DIDO1: variants seen among roughly 807,000 people sequenced by gnomAD.
DIDO1 encodes death-inducer obliterator 1.
DIDO1 carries 16 observed loss-of-function variants against 99.4 expected under a neutral mutation model. The observed-to-expected ratio is 0.16, with a 90% confidence interval of 0.11 to 0.24. The LOEUF is 0.24. DIDO1 is among the 10% of genes least tolerant of loss of function. DIDO1 has a pLI of 1.00. For synonymous variants in DIDO1, 1,366 were observed against 1,239.1 expected (o/e 1.10, Z -2.15); for missense variants, 2,996 against 3,014.0 (o/e 0.99, Z 0.14).
At chr20:62,905,819 G>A in intron 6 of DIDO1, 68 bp downstream of exon 6, 2 of 1,613,964 alleles carry the variant, frequency 1.2e-6, no homozygotes, top group African/African-American at 1.3e-5. Context: ...GTCCTGGACA[G>A]GCCCAGGGGA....
Position 62,879,363 on chromosome 20 carries a change from T to G in DIDO1, c.6593A>C (p.Asp2198Ala), listed in dbSNP as rs1222479358. ...DRDRSRSRER[D>A]RDKARDRERG... is the part of the protein sequence containing the mutation. ...CTCCCTGTCCCTGGCCTTGTCTCGGTCCCGCTCTCTGCTCCGGGACCGGTC... is the reference window on the plus strand; with the variant it reads ...CTCCCTGTCCCTGGCCTTGTCTCGGGCCCGCTCTCTGCTCCGGGACCGGTC... Residue 2198 changes from aspartate (D) to alanine (A), a missense_variant, in exon 16 of 16, where the codon GAC (aspartate) becomes GCC (alanine). This residue lies in a region of DIDO1 where 1,562 missense variants were observed against 1,412.6 expected (regional missense o/e 1.11). Coordinates refer to ENST00000395343, the MANE Select transcript of DIDO1 (RefSeq NM_001193369.2). This position sits in a 1 kb window ranked among gnomAD's most constrained non-coding sequence, Gnocchi z 6.3. 6 of 1,548,500 alleles carry G rather than the reference T, an allele frequency of 3.9e-6. No individual in the cohort carries two copies. The highest frequency in any genetic ancestry group is 5.2e-6 in the Non-Finnish European group (6 of 1,148,722).
chr20:62,910,747 T>C (rs758554785), intron 3 of DIDO1, 27 bp downstream of exon 3: 3 of 1,591,322 alleles, frequency 1.9e-6, no homozygotes, highest in African/African-American at 2.7e-5. Context: ...ACCCTGGGAT[T>C]TCTGTGGGTG....
Position 62,907,180 on chromosome 20 carries a change from T to C in DIDO1, c.1341A>G (p.Pro447=). ...CGCATTTCGGAAGACTGGGCTTCTC[T>C]GGCTTCATCTTCATCTTTTCTTTAG... The part of the protein sequence containing the change: ...PKPKEKMKMK[P]EKPSLPKCGA... Residue 447 remains proline (P), a synonymous_variant, in exon 5 of 16, where the codon CCA becomes CCG. Coordinates refer to ENST00000395343, the MANE Select transcript of DIDO1 (RefSeq NM_001193369.2). The C allele has an allele frequency of 1.2e-6, 2 of 1,614,274 alleles. No homozygotes were observed. Among genetic ancestry groups the C allele is most frequent in the Non-Finnish European group, 1.7e-6 (2 of 1,180,056 alleles).
chr20:62,906,965 C>T (rs1254561687), intron 5 of DIDO1, among the ~76,000 whole-genome samples, 182 bp downstream of exon 5: 4 of 152,234 alleles, frequency 2.6e-5, no homozygotes, highest in Non-Finnish European at 4.4e-5. Flanking sequence ...TAATTAACCC[C>T]TCAGCTAACG....
intron 2 of DIDO1, among the ~76,000 whole-genome samples, chr20:62,913,296 C>T (rs988910615): frequency 8.6e-5 from 10 of 116,416 alleles, no homozygotes; most frequent in African/African-American, 2.6e-4. Flanking sequence ...TCAATCAGGG[C>T]ACCAGCAGCG....
At chr20:62,905,775 C>G (rs2064788412) in intron 6 of DIDO1, 112 bp downstream of exon 6, 1 of 1,610,174 alleles carries the variant, frequency 6.2e-7, no homozygotes, top group African/African-American at 1.3e-5. Context: ...CAGCCGGTGT[C>G]TGTGATCAGC....
chr20:62,936,290 A>G (rs996637669), intron 1 of DIDO1, among the ~76,000 whole-genome samples: 2 of 152,186 alleles, frequency 1.3e-5, no homozygotes, highest in African/African-American at 4.8e-5. Context: ...GCGGTGGCTC[A>G]TGACTGTAAT....
chr20:62,929,695 G>GTATATATATATATATATATATATA (rs71195479), upstream of DIDO1, among the ~76,000 whole-genome samples: 27 of 97,946 alleles, frequency 2.8e-4, no homozygotes, highest in African/African-American at 9.2e-4. Flanking sequence ...AAGAAAAAGT[G>GTATATATATATATATATATATATA]TATATATATA....
chr20:62,884,545 T>C (rs1189288707), intron 15 of DIDO1, among the ~76,000 whole-genome samples: 1 of 152,242 alleles, frequency 6.6e-6, no homozygotes, highest in African/African-American at 2.4e-5. Context: ...TCAGGTGATG[T>C]TAAAGATCAT....
chr20:62,905,023 T>G lies in DIDO1; in HGVS notation c.1588+864A>C, dbSNP rs552184332. 8.0e-4 allele frequency: 794 copies of G among 989,284 alleles called. 1 individual carries two copies. Among genetic ancestry groups the G allele is most frequent in the Non-Finnish European group, 9.2e-4 (767 of 832,260 alleles). 61.3% of individuals were successfully genotyped at this position (989,284 alleles called of 1,614,324 possible). ...TTAAAGACTGAATTGAAAATAGTTT[T>G]ATAGCAGAAAACTGAGAAACAAGAA... On this transcript the variant is annotated intron_variant, in intron 6 of 15. Transcript: ENST00000395343.
At chr20:62,903,963 C>T (rs1276468898) in intron 6 of DIDO1, among the ~76,000 whole-genome samples, 1 of 152,194 alleles carries the variant, frequency 6.6e-6, no homozygotes, top group Non-Finnish European at 1.5e-5. Context: ...GAAGCAATAA[C>T]CCAGGGCTGA....
In DIDO1 at chr20:62,879,784, C is replaced by G. The variant is rs1222324312; in HGVS notation, c.6172G>C (p.Gly2058Arg). ...SALSSSAPGQ[G>R]PEADGQWASA... ...GCCCACTGTCCGTCGGCCTCGGGGC[C>G]CTGTCCGGGCGCACTGGAGGAGAGC... Residue 2058 changes from glycine (G) to arginine (R), a missense_variant, in exon 16 of 16, where the codon GGC (glycine) becomes CGC (arginine). Physicochemically the swap from Gly to Arg is moderately radical, Grantham distance 125 (BLOSUM62 -2). Coordinates refer to ENST00000395343, the MANE Select transcript of DIDO1 (RefSeq NM_001193369.2). The surrounding 1 kb of genome is among the most constrained non-coding windows in gnomAD (Gnocchi z 6.3). 6.2e-7 allele frequency: 1 copy of G among 1,611,418 alleles called. No homozygotes were observed. Among genetic ancestry groups the G allele is most frequent in the Admixed American group, 1.7e-5 (1 of 60,008 alleles).
chr20:62,887,942 GGT>G, intron 15 of DIDO1: 2 of 985,484 alleles, frequency 2.0e-6, no homozygotes, highest in East Asian at 1.1e-4. Context: ...AAGACAACCC[GGT>G]GTTTCTGTGG....
chr20:62,890,529 C>T (rs1382437891), intron 15 of DIDO1: 6 of 1,002,174 alleles, frequency 6.0e-6, no homozygotes, highest in Middle Eastern at 5.0e-4. Context: ...ATTGTTAAGT[C>T]TCCTGGAAAT....
At chr20:62,933,870 C>T (rs573727718) in intron 1 of DIDO1, among the ~76,000 whole-genome samples, 1 of 152,286 alleles carries the variant, frequency 6.6e-6, no homozygotes, top group African/African-American at 2.4e-5. Context: ...TTTAAAAACT[C>T]ATTAATGTTC....
chr20:62,935,834 C>A (rs1360435706), intron 1 of DIDO1, among the ~76,000 whole-genome samples: 1 of 152,220 alleles, frequency 6.6e-6, no homozygotes, highest in Non-Finnish European at 1.5e-5. Flanking sequence ...TGGAGCTCAA[C>A]AGGAGTTACG....
At chr20:62,909,610 AC>A (rs1362413747) in intron 4 of DIDO1, 88 bp downstream of exon 4, 37 of 1,521,210 alleles carry the variant, frequency 2.4e-5, no homozygotes, top group Non-Finnish European at 1.3e-5. Flanking sequence ...TGGGTGCAGC[AC>A]CCGTCCTGGG....
At chr20:62,922,804 G>A (rs1305183872) in intron 1 of DIDO1, among the ~76,000 whole-genome samples, 1 of 152,190 alleles carries the variant, frequency 6.6e-6, no homozygotes, top group African/African-American at 2.4e-5. Context: ...AGCCCTTTAT[G>A]GGCTTGGCAC....
intron 6 of DIDO1, among the ~76,000 whole-genome samples, chr20:62,901,418 T>C (rs150599124): frequency 1.2e-4 from 18 of 152,328 alleles, no homozygotes; most frequent in Admixed American, 1.2e-3. Context: ...CAGCTGCACA[T>C]GGTGTGTGCC....
Sources: allele counts gnomAD v4.1 joint callset (sites outside exome capture counted in the v4.1 genomes callset), GRCh38; gene constraint gnomAD v4.1.1; regional missense constraint gnomAD v4.1.1; non-coding constraint Gnocchi (gnomAD v3.1); transcripts MANE v1.5; gene names NCBI Gene and HGNC (gene_info 2026-07-23, HGNC 2026-07-21).